PTPRN2: variants seen among roughly 807,000 people sequenced by gnomAD.
PTPRN2 encodes protein tyrosine phosphatase receptor type N2, also known as receptor-type tyrosine-protein phosphatase N2.
Under a neutral mutation model 118.8 loss-of-function variants are expected in PTPRN2, and 74 were observed. The observed-to-expected ratio is 0.62, with a 90% CI of 0.52 to 0.76. The LOEUF (loss-of-function observed/expected upper bound fraction) is 0.76. Among genes scored for constraint, PTPRN2 ranks in the 30% least tolerant of loss-of-function variants. PTPRN2 has a pLI of 0.00. For synonymous variants in PTPRN2, 641 were observed against 608.0 expected (o/e 1.05, Z -0.80); for missense variants, 1,481 against 1,394.4 (o/e 1.06, Z -0.99).
chr7:158,246,604 C>T (rs761826835), intron 3 of PTPRN2, among the ~76,000 whole-genome samples: 5 of 151,718 alleles, frequency 3.3e-5, no homozygotes, highest in East Asian at 1.9e-4. Flanking sequence ...AAAGAAGTTG[C>T]GTTTTCTTCC....
intron 1 of PTPRN2, among the ~76,000 whole-genome samples, chr7:158,559,537 T>C (rs1563434407): frequency 1.3e-5 from 2 of 152,198 alleles, no homozygotes; most frequent in Admixed American, 1.3e-4. Flanking sequence ...GCAGAGGAGA[T>C]AGGCTGTTCA....
rs1320959478 is a variant in PTPRN2 at position 158,270,883 on chromosome 7, GAT to G, written c.277+45934_277+45935del. Among the ~76,000 whole-genome samples, 134 of 61,482 alleles carry G rather than the reference GAT, an allele frequency of 2.2e-3. 9 individuals carry two copies. Among genetic ancestry groups the G allele is most frequent in the African/African-American group, 3.9e-3 (48 of 12,208 alleles). 40.3% of individuals were successfully genotyped at this position (61,482 alleles called of 152,430 possible). ...CCACCTGGACCGCCCCCTCCACCTGGATGACCCCCTCCACCTGGACCACCCCC... is the reference window on the plus strand; with the variant it reads ...CCACCTGGACCGCCCCCTCCACCTGGGACCCCCTCCACCTGGACCACCCCC... On this transcript the variant is annotated intron_variant, in intron 3 of 22. Transcript: ENST00000389418.
chr7:158,217,493 C>A (rs1455498230), intron 3 of PTPRN2, among the ~76,000 whole-genome samples: 1 of 152,176 alleles, frequency 6.6e-6, no homozygotes, highest in Non-Finnish European at 1.5e-5. Flanking sequence ...GATAAAAGAA[C>A]ATCAGCACTC....
At chr7:157,768,027 G>A (rs542804208) in intron 12 of PTPRN2, among the ~76,000 whole-genome samples, 11 of 152,252 alleles carry the variant, frequency 7.2e-5, no homozygotes, top group African/African-American at 2.4e-4. Context: ...GCCACTGTGA[G>A]TCACACACTC....
At position 158,404,849 on chromosome 7, in the gene PTPRN2, CT is replaced by C. The variant is rs776388589; in HGVS notation, c.163+84885del. 6.5e-3 allele frequency among the ~76,000 whole-genome samples: 849 copies of C among 130,788 alleles called. 27 individuals carry two copies. The highest frequency in any genetic ancestry group is 8.5e-3 in the East Asian group (35 of 4,140). 85.8% of individuals were successfully genotyped at this position (130,788 alleles called of 152,430 possible). A position where few individuals can be genotyped will look rare whatever the true frequency, so the allele number is the denominator to read the frequency against. ...AGCTCCCCGGCCCCAGCTCCCCGGCCTCCAGCTCCCCAGCCCCCAGCTCCCT... is the reference window on the plus strand; with the variant it reads ...AGCTCCCCGGCCCCAGCTCCCCGGCCCCAGCTCCCCAGCCCCCAGCTCCCT... On this transcript the variant is annotated intron_variant, in intron 2 of 22. Transcript: ENST00000389418.
chr7:157,934,621 T>G (rs1224607315), intron 11 of PTPRN2, among the ~76,000 whole-genome samples: 1 of 152,230 alleles, frequency 6.6e-6, no homozygotes, highest in East Asian at 1.9e-4. Flanking sequence ...TGACCTGATC[T>G]TTGCTCTGCC....
Position 158,161,437 on chromosome 7 carries a change from C to T in PTPRN2, c.910+5494G>A, listed in dbSNP as rs367694642. ...GAGAGCCCAGACATGGGTCCACATA[C>T]ATGAGGTCAGCCGAGCTTTGAAAAG... On this transcript the variant is annotated intron_variant, in intron 6 of 22. Coordinates refer to ENST00000389418, the MANE Select transcript of PTPRN2 (RefSeq NM_002847.5). Among the ~76,000 whole-genome samples the T allele has an allele frequency of 3.3e-5, 5 of 152,316 alleles. 1 individual carries two copies. The East Asian group carries it at 7.7e-4, about 23-fold the overall frequency.
At chr7:158,169,417 A>AGTGTGTGAGTGTGTGT (rs1554570802) in intron 5 of PTPRN2, among the ~76,000 whole-genome samples, 1 of 136,526 alleles carries the variant, frequency 7.3e-6, no homozygotes, top group South Asian at 2.5e-4. Context: ...TGCTTTTGTG[A>AGTGTGTGAGTGTGTGT]GTGTGTGTGT....
intron 11 of PTPRN2, among the ~76,000 whole-genome samples, chr7:157,926,265 G>A (rs1349067016): frequency 1.4e-5 from 2 of 144,874 alleles, no homozygotes; most frequent in African/African-American, 5.2e-5. Context: ...GAGGGTCCAC[G>A]CATTACATCC....
intron 11 of PTPRN2, among the ~76,000 whole-genome samples, chr7:158,008,150 TG>T: frequency 6.7e-6 from 1 of 150,174 alleles, no homozygotes; most frequent in Non-Finnish European, 1.5e-5. Context: ...TGTGTGAGTG[TG>T]TGTGGGTGTG....
intron 2 of PTPRN2, among the ~76,000 whole-genome samples, chr7:158,388,031 A>G (rs528721430): frequency 1.3e-5 from 2 of 152,126 alleles, no homozygotes; most frequent in Non-Finnish European, 2.9e-5. Context: ...CCCCCTGCTG[A>G]GTCTGTTTCT....
intron 6 of PTPRN2, among the ~76,000 whole-genome samples, chr7:158,152,882 G>A (rs1821337271): frequency 6.7e-6 from 1 of 148,990 alleles, no homozygotes; most frequent in Admixed American, 6.7e-5. Context: ...TGGGACAAGA[G>A]CAGACCAACA....
intron 11 of PTPRN2, among the ~76,000 whole-genome samples, chr7:157,920,233 A>G (rs1432909443): frequency 1.3e-5 from 2 of 152,378 alleles, no homozygotes; most frequent in African/African-American, 4.8e-5. Flanking sequence ...AGAATGAAGA[A>G]AGAAATATTA....
At chr7:158,441,967 C>G (rs111162951) in intron 2 of PTPRN2, among the ~76,000 whole-genome samples, 52 of 62,560 alleles carry the variant, frequency 8.3e-4, no homozygotes, top group East Asian at 2.5e-3. Flanking sequence ...TAGTGATGGT[C>G]ATGGCAGTGG....
chr7:158,446,166 C>T (rs1817713692), intron 2 of PTPRN2, among the ~76,000 whole-genome samples: 1 of 152,140 alleles, frequency 6.6e-6, no homozygotes, highest in Non-Finnish European at 1.5e-5. Context: ...CCCAGGTCTT[C>T]CTGGGCACAT....
chr7:158,137,459 C>T (rs1249632089), intron 7 of PTPRN2, among the ~76,000 whole-genome samples: 1 of 152,162 alleles, frequency 6.6e-6, no homozygotes, highest in Non-Finnish European at 1.5e-5. Context: ...TAATATCCTA[C>T]TTTCAGTGCC....
At chr7:158,208,429 A>G (rs1827330022) in intron 3 of PTPRN2, among the ~76,000 whole-genome samples, 1 of 152,212 alleles carries the variant, frequency 6.6e-6, no homozygotes. Context: ...AAACAAAAAT[A>G]CAATGGAGCT....
At position 158,587,774 on chromosome 7, in the gene PTPRN2, G is replaced by T; in HGVS notation, c.-105C>A. On this transcript the variant is annotated 5_prime_UTR_variant, in exon 1 of 23. Coordinates refer to ENST00000389418, the MANE Select transcript of PTPRN2 (RefSeq NM_002847.5). ...GCGCGCGCCGCCGGCTCCTCCCGCC[G>T]CGCCTCTCGCGCTCTTGCGGCGACG... 3 of 1,004,046 alleles carry T rather than the reference G, an allele frequency of 3.0e-6. No homozygotes were observed. Among genetic ancestry groups the T allele is most frequent in the Non-Finnish European group, 2.4e-6 (2 of 839,902 alleles). 62.2% of individuals were successfully genotyped at this position (1,004,046 alleles called of 1,614,324 possible). A position where few individuals can be genotyped will look rare whatever the true frequency, so the allele number is the denominator to read the frequency against.
At chr7:158,171,095 TATATATACACATATATATACACAC>T (rs1823535056) in intron 5 of PTPRN2, among the ~76,000 whole-genome samples, 1 of 131,432 alleles carries the variant, frequency 7.6e-6, no homozygotes, top group South Asian at 2.4e-4. Flanking sequence ...TACACACATA[TATATATACACATATATATACACAC>T]ATATATACAC....
Sources: allele counts gnomAD v4.1 joint callset (sites outside exome capture counted in the v4.1 genomes callset), GRCh38; gene constraint gnomAD v4.1.1; transcripts MANE v1.5; gene names NCBI Gene and HGNC (gene_info 2026-07-23, HGNC 2026-07-21).